Variants in DNAJC10 observed in about 807,000 individuals in gnomAD.
The protein encoded by DNAJC10 is endoplasmic reticulum disulfide reductase DNAJC10.
DNAJC10 carries 101 observed loss-of-function variants against 115.0 expected under a neutral mutation model. The ratio of observed to expected loss-of-function variants is 0.88; its 90% confidence interval spans 0.75 to 1.04. DNAJC10 has a LOEUF of 1.04. Among genes scored for constraint, DNAJC10 ranks in the 50% least tolerant of loss-of-function variants. The pLI is 0.00. For missense variants in DNAJC10, 981 were observed against 928.8 expected, an observed-to-expected ratio of 1.06 and a Z score of -0.73; for synonymous variants, 307 against 301.5, an observed-to-expected ratio of 1.02 and a Z score of -0.19.
In DNAJC10 at chr2:182,740,023, A is replaced by G. The variant is rs981947708; in HGVS notation, c.988-276A>G. 5.9e-5 allele frequency: 60 copies of G among 1,021,326 alleles called. No individual in the cohort carries two copies. In the African/African-American group the frequency reaches 9.6e-4, roughly 16 times the overall value. The allele number at this position is 1,021,326 out of a possible 1,614,324, so 63.3% of individuals were successfully genotyped here. On this transcript the variant is annotated intron_variant, in intron 11 of 23. Coordinates refer to ENST00000264065, the MANE Select transcript of DNAJC10 (RefSeq NM_018981.4). Reference sequence around the variant, plus strand: ...ATTTTTCTGAGCATTTTTATAGAATACACATCATAGTTAATTAAAAATTCC... The same window carrying G: ...ATTTTTCTGAGCATTTTTATAGAATGCACATCATAGTTAATTAAAAATTCC...
At chr2:182,733,824 GA>G (rs1693515417) in intron 10 of DNAJC10, among the ~76,000 whole-genome samples, 1 of 149,620 alleles carries the variant, frequency 6.7e-6, no homozygotes, top group African/African-American at 2.5e-5. Flanking sequence ...TAGATAGATA[GA>G]TAGATTTTCT....
intron 5 of DNAJC10, 72 bp downstream of exon 5, chr2:182,722,147 T>C: frequency 9.4e-7 from 1 of 1,068,492 alleles, no homozygotes; most frequent in South Asian, 1.5e-5. Context: ...AGGGGATATA[T>C]ATGTTTGAAA....
chr2:182,767,844 T>C (rs1454284862), intron 22 of DNAJC10, among the ~76,000 whole-genome samples: 4 of 152,110 alleles, frequency 2.6e-5, no homozygotes, highest in Non-Finnish European at 5.9e-5. Context: ...AGGAGGCTGT[T>C]TTCAGCATTC....
intron 22 of DNAJC10, among the ~76,000 whole-genome samples, chr2:182,770,736 A>T (rs1005423586): frequency 6.6e-6 from 1 of 152,184 alleles, no homozygotes; most frequent in African/African-American, 2.4e-5. Context: ...CTAAATAAAC[A>T]ATCATGTCAT....
In DNAJC10 at chr2:182,778,340, T is replaced by C. The variant is rs1694763054; in HGVS notation, c.*1208T>C. ...AAGTTATTTTTATAAGAAAATCAAG[T>C]ATATAAATCTAGGAAAGGGATCTTC... On this transcript the variant is annotated 3_prime_UTR_variant, in exon 24 of 24. Coordinates refer to ENST00000264065, the MANE Select transcript of DNAJC10 (RefSeq NM_018981.4). The C allele has an allele frequency of 6.6e-6, 1 of 152,174 alleles. No individual in the cohort carries two copies. The highest frequency in any genetic ancestry group is 1.5e-5 in the Non-Finnish European group (1 of 68,020). 9.4% of individuals were successfully genotyped at this position (152,174 alleles called of 1,614,324 possible). A position where few individuals can be genotyped will look rare whatever the true frequency, so the allele number is the denominator to read the frequency against.
At chr2:182,739,744 G>A in intron 11 of DNAJC10, 1 of 1,002,812 alleles carries the variant, frequency 1.0e-6, no homozygotes, top group Non-Finnish European at 1.2e-6. Context: ...ACTCCTAAGT[G>A]GTTTGGTTTT....
chr2:182,720,321 A>G (rs112981508), intron 4 of DNAJC10, 152 bp downstream of exon 4: 4 of 647,720 alleles, frequency 6.2e-6, no homozygotes, highest in South Asian at 1.9e-5. Flanking sequence ...AAGGAATGTC[A>G]GTTGGTATAC....
In DNAJC10 at chr2:182,772,075, T is replaced by G. The variant is rs192037003; in HGVS notation, c.2266-3241T>G. Among the ~76,000 whole-genome samples, 95 of 152,264 alleles carry G rather than the reference T, an allele frequency of 6.2e-4. No homozygotes were observed. In the Middle Eastern group the frequency reaches 0.017, roughly 27 times the overall value. ...TTTATTTCTGCCTTCATTTCGTTATTTACCCAGTAGTCATTCAGGAGTAGG... is the reference window on the plus strand; with the variant it reads ...TTTATTTCTGCCTTCATTTCGTTATGTACCCAGTAGTCATTCAGGAGTAGG... On this transcript the variant is annotated intron_variant, in intron 22 of 23. Coordinates refer to ENST00000264065, the MANE Select transcript of DNAJC10 (RefSeq NM_018981.4).
In DNAJC10 at chr2:182,792,429, C is replaced by A. The variant is rs1405405493; in HGVS notation, c.*15297C>A. On this transcript the variant is annotated 3_prime_UTR_variant, in exon 24 of 24. Transcript: ENST00000264065. ...GGCTTTTCATTACAGCTGTTATAAACCCTGGTAGAATTGATTGGTTTCCTT... is the reference window on the plus strand; with the variant it reads ...GGCTTTTCATTACAGCTGTTATAAAACCTGGTAGAATTGATTGGTTTCCTT... 1.9e-4 allele frequency: 29 copies of A among 152,142 alleles called. No individual in the cohort carries two copies. The highest frequency in any genetic ancestry group is 1.8e-3 in the Admixed American group (28 of 15,268). 9.4% of individuals were successfully genotyped at this position (152,142 alleles called of 1,614,324 possible).
chr2:182,770,004 T>C (rs1469565494), intron 22 of DNAJC10, among the ~76,000 whole-genome samples: 1 of 152,240 alleles, frequency 6.6e-6, no homozygotes, highest in Non-Finnish European at 1.5e-5. Flanking sequence ...GTATAAGGTG[T>C]AAGGAAGGGA....
intron 5 of DNAJC10, among the ~76,000 whole-genome samples, chr2:182,722,439 T>G (rs1378491218): frequency 6.6e-6 from 1 of 152,202 alleles, no homozygotes; most frequent in African/African-American, 2.4e-5. Context: ...TTAATTTGAT[T>G]GGCAACTTTG....
In DNAJC10 at chr2:182,777,107, CATT is replaced by C. The variant is rs1412040173; in HGVS notation, c.2371-5_2371-3del. 4 of 1,395,644 alleles carry C rather than the reference CATT, an allele frequency of 2.9e-6. No homozygotes were observed. Among genetic ancestry groups the C allele is most frequent in the South Asian group, 3.2e-5 (2 of 61,836 alleles). 86.5% of individuals were successfully genotyped at this position (1,395,644 alleles called of 1,614,324 possible). ...CTTTCTCCTTTCTCTATCGCCTTTA[CATT>C]ATTATTATAGGATGAACTTTGATAA... On this transcript the variant is annotated splice_polypyrimidine_tract_variant and intron_variant, in intron 23 of 23. Transcript: ENST00000264065.
At chr2:182,758,152 A>C (rs1694203582) in intron 19 of DNAJC10, among the ~76,000 whole-genome samples, 1 of 152,170 alleles carries the variant, frequency 6.6e-6, no homozygotes, top group Non-Finnish European at 1.5e-5. Context: ...ATGCTCTGTG[A>C]ACTAGGAATT....
rs1434182440 is a variant in DNAJC10 at position 182,783,549 on chromosome 2, TATC to T, written c.*6420_*6422del. The T allele has an allele frequency of 3.9e-5, 6 of 152,318 alleles. No individual in the cohort carries two copies. The highest frequency in any genetic ancestry group is 9.6e-5 in the African/African-American group (4 of 41,576). 9.4% of individuals were successfully genotyped at this position (152,318 alleles called of 1,614,324 possible). ...TATTTACAAAACATCTTCCCTTTCT[TATC>T]ATGAAAATTATGAAGATGAGGTAAA... On this transcript the variant is annotated 3_prime_UTR_variant, in exon 24 of 24. Coordinates refer to ENST00000264065, the MANE Select transcript of DNAJC10 (RefSeq NM_018981.4).
chr2:182,731,990 G>T (rs1253645747), intron 9 of DNAJC10, among the ~76,000 whole-genome samples: 1 of 152,090 alleles, frequency 6.6e-6, no homozygotes, highest in East Asian at 1.9e-4. Context: ...CCCTGTCTTT[G>T]TAGGCTCTGT....
chr2:182,723,711 C>A (rs774554941), intron 5 of DNAJC10, among the ~76,000 whole-genome samples: 42 of 152,146 alleles, frequency 2.8e-4, no homozygotes, highest in Middle Eastern at 3.2e-3. Flanking sequence ...ACAAAACTTG[C>A]AAGCTTACTA....
chr2:182,776,767 G>C (rs1694717783), intron 23 of DNAJC10, among the ~76,000 whole-genome samples: 1 of 152,070 alleles, frequency 6.6e-6, no homozygotes, highest in Non-Finnish European at 1.5e-5. Flanking sequence ...GTTTTCTCAA[G>C]ATATTTTATT....
chr2:182,762,647 A>G (rs1694313880), intron 21 of DNAJC10, 35 bp from the exon 22 acceptor site: 7 of 1,608,124 alleles, frequency 4.4e-6, no homozygotes, highest in Non-Finnish European at 6.0e-6. Flanking sequence ...GTTTATGCCA[A>G]ACAGAAAATG....
chr2:182,767,928 A>C (rs1694456960), intron 22 of DNAJC10, among the ~76,000 whole-genome samples: 1 of 152,164 alleles, frequency 6.6e-6, no homozygotes, highest in Non-Finnish European at 1.5e-5. Flanking sequence ...CACAAATAAC[A>C]TACACACAGT....
Sources: gnomAD v4.1 joint callset for allele counts (sites outside exome capture counted in the v4.1 genomes callset) on GRCh38, gnomAD v4.1.1 for gene constraint, MANE v1.5 for transcripts, NCBI Gene and HGNC (gene_info 2026-07-23, HGNC 2026-07-21) for gene names.